Variants in TYR observed in about 807,000 individuals in gnomAD.
TYR encodes the protein LB24-AB.
In TYR, 58 loss-of-function variants were observed where a neutral mutation model predicts 51.5. The observed-to-expected ratio is 1.13, with a 90% CI of 0.91 to 1.40. TYR has a LOEUF of 1.40. Ranked by LOEUF, TYR falls within the 40% of genes most tolerant of loss-of-function variation. TYR has a pLI of 0.00. For missense variants in TYR, 732 were observed against 647.4 expected (o/e 1.13, Z -1.42); for synonymous variants, 263 against 235.2 (o/e 1.12, Z -1.08).
chr11:89,208,112 C>CA (rs199942681), intron 2 of TYR, among the ~76,000 whole-genome samples: 2,874 of 151,802 alleles, frequency 0.019, 88 homozygotes, highest in African/African-American at 0.066. Flanking sequence ...ACTAAAAATA[C>CA]AAAAAAAATT....
At position 89,234,733 on chromosome 11, in the gene TYR, T is replaced by A. The variant is rs910898602; in HGVS notation, c.1184+6763T>A. Among the ~76,000 whole-genome samples the A allele has an allele frequency of 2.8e-5, 3 of 106,008 alleles. 1 individual carries two copies. The highest frequency in any genetic ancestry group is 1.4e-4 in the African/African-American group (3 of 20,924). 69.5% of individuals were successfully genotyped at this position (106,008 alleles called of 152,430 possible). ...GAACACATGCATTTATTAATTAAAG[T>A]CACCTTTTTAACATTGGCACTGTTT... On this transcript the variant is annotated intron_variant, in intron 3 of 4. Transcript: ENST00000263321.
chr11:89,188,541 G>A (rs903778373), intron 1 of TYR, among the ~76,000 whole-genome samples: 1 of 152,002 alleles, frequency 6.6e-6, no homozygotes. Context: ...TTTGCCAATT[G>A]TTGTGGTGTA....
chr11:89,294,427 A>T (rs1944883515), intron 4 of TYR, among the ~76,000 whole-genome samples: 1 of 152,110 alleles, frequency 6.6e-6, no homozygotes, highest in Non-Finnish European at 1.5e-5. Context: ...TTACTTTCAG[A>T]GTCCTGAGGC....
At chr11:89,208,824 C>T (rs143334222) in intron 2 of TYR, among the ~76,000 whole-genome samples, 1 of 152,156 alleles carries the variant, frequency 6.6e-6, no homozygotes, top group African/African-American at 2.4e-5. Context: ...TTAGCAATTG[C>T]TTATTTTTGT....
chr11:89,288,387 C>T (rs930646114), intron 4 of TYR, among the ~76,000 whole-genome samples: 4 of 151,966 alleles, frequency 2.6e-5, no homozygotes, highest in Non-Finnish European at 4.4e-5. Flanking sequence ...TTCCCTTTAA[C>T]CCCTACATTG....
intron 3 of TYR, among the ~76,000 whole-genome samples, chr11:89,262,371 T>A (rs1442571853): frequency 6.6e-6 from 1 of 151,944 alleles, no homozygotes; most frequent in African/African-American, 2.4e-5. Flanking sequence ...AAATTTATGG[T>A]TATTAATGAC....
At chr11:89,190,261 A>G (rs1432673861) in intron 1 of TYR, among the ~76,000 whole-genome samples, 1 of 152,138 alleles carries the variant, frequency 6.6e-6, no homozygotes. Context: ...TGGATGTTTT[A>G]TAGAGATTGT....
chr11:89,257,820 T>G (rs1188708826), intron 3 of TYR, among the ~76,000 whole-genome samples: 3 of 152,060 alleles, frequency 2.0e-5, no homozygotes, highest in Non-Finnish European at 4.4e-5. Flanking sequence ...GAATTTGAAT[T>G]CTGAGTGATT....
chr11:89,247,459 ATAAC>A (rs1234294807), intron 3 of TYR, among the ~76,000 whole-genome samples: 1 of 152,242 alleles, frequency 6.6e-6, no homozygotes, highest in Admixed American at 6.6e-5. Context: ...ATCATGTACT[ATAAC>A]TAACAACCTA....
intron 3 of TYR, among the ~76,000 whole-genome samples, chr11:89,271,292 A>G (rs1027191567): frequency 1.3e-5 from 2 of 151,864 alleles, no homozygotes; most frequent in African/African-American, 2.4e-5. Context: ...GCATAACTCT[A>G]AGATATGGAA....
intron 2 of TYR, among the ~76,000 whole-genome samples, chr11:89,221,338 C>G (rs186500269): frequency 6.6e-6 from 1 of 152,132 alleles, no homozygotes; most frequent in African/African-American, 2.4e-5. Flanking sequence ...TCATTTGCTT[C>G]GTTACTCTAT....
At chr11:89,261,249 A>T (rs1944453351) in intron 3 of TYR, among the ~76,000 whole-genome samples, 1 of 152,162 alleles carries the variant, frequency 6.6e-6, no homozygotes, top group African/African-American at 2.4e-5. Flanking sequence ...ATGACATATA[A>T]GTAGATTAAG....
At chr11:89,292,575 A>C (rs1398273804) in intron 4 of TYR, among the ~76,000 whole-genome samples, 2 of 152,076 alleles carry the variant, frequency 1.3e-5, no homozygotes, top group Non-Finnish European at 2.9e-5. Context: ...TTGCTTTTTA[A>C]AGTAATGTAA....
chr11:89,255,026 G>A (rs187721498), intron 3 of TYR, among the ~76,000 whole-genome samples: 1 of 151,762 alleles, frequency 6.6e-6, no homozygotes, highest in Admixed American at 6.6e-5. Flanking sequence ...TTATTGTTCA[G>A]TTCAAAAAAT....
At chr11:89,233,231 A>G (rs1043002119) in intron 3 of TYR, among the ~76,000 whole-genome samples, 6 of 142,522 alleles carry the variant, frequency 4.2e-5, no homozygotes, top group Non-Finnish European at 1.5e-5. Context: ...TTAACCATAA[A>G]AATCAAATCC....
At chr11:89,278,632 G>T (rs1309605642) in intron 3 of TYR, among the ~76,000 whole-genome samples, 1 of 151,502 alleles carries the variant, frequency 6.6e-6, no homozygotes, top group African/African-American at 2.4e-5. Context: ...TTGTAAAAAT[G>T]TTGTGAAGAT....
chr11:89,194,684 C>CT (rs201244914), intron 2 of TYR, among the ~76,000 whole-genome samples: 3 of 133,346 alleles, frequency 2.2e-5, no homozygotes, highest in East Asian at 4.3e-4. Flanking sequence ...ATCTATCTAT[C>CT]ATCTATCTAT....
intron 3 of TYR, among the ~76,000 whole-genome samples, chr11:89,275,191 T>C (rs1163439117): frequency 6.6e-6 from 1 of 151,932 alleles, no homozygotes; most frequent in Non-Finnish European, 1.5e-5. Context: ...TCTTACATAC[T>C]CTGAGAGATT....
intron 2 of TYR, among the ~76,000 whole-genome samples, chr11:89,223,653 G>A (rs150242580): frequency 0.011 from 1,681 of 152,154 alleles, 30 homozygotes; most frequent in African/African-American, 0.038. Flanking sequence ...AAATATGAAG[G>A]TGTTCAAGTC....
Sources: gnomAD v4.1 joint callset for allele counts (sites outside exome capture counted in the v4.1 genomes callset) on GRCh38, gnomAD v4.1.1 for gene constraint, MANE v1.5 for transcripts, NCBI Gene and HGNC (gene_info 2026-07-23, HGNC 2026-07-21) for gene names.